Variants in ATP6V1A observed in about 807,000 individuals in gnomAD.
The protein encoded by ATP6V1A is V-type proton ATPase catalytic subunit A.
In ATP6V1A, 18 loss-of-function variants were observed where a neutral mutation model predicts 70.1. That is an observed-to-expected ratio of 0.26 (90% confidence interval 0.18 to 0.38). ATP6V1A has a LOEUF of 0.38. Among genes scored for constraint, ATP6V1A ranks in the 10% least tolerant of loss-of-function variants. The pLI is 1.00. For synonymous variants in ATP6V1A, 232 were observed against 253.8 expected (o/e 0.91, Z 0.82); for missense variants, 424 against 772.4 (o/e 0.55, Z 5.35).
intron 10 of ATP6V1A, among the ~76,000 whole-genome samples, chr3:113,795,672 GT>G (rs1194701258): frequency 6.6e-6 from 1 of 151,594 alleles, no homozygotes; most frequent in Non-Finnish European, 1.5e-5. Context: ...TTCTATTGTT[GT>G]TTACAACTTA....
At chr3:113,795,992 CCCCTG>C in intron 11 of ATP6V1A, 53 bp downstream of exon 11, 1 of 1,434,954 alleles carries the variant, frequency 7.0e-7, no homozygotes. Context: ...CTCTCTGCAG[CCCCTG>C]CTGTTCTAAT....
intron 1 of ATP6V1A, among the ~76,000 whole-genome samples, chr3:113,770,796 G>A (rs1187658428): frequency 1.3e-5 from 2 of 151,604 alleles, no homozygotes; most frequent in African/African-American, 4.8e-5. Context: ...AGAGATTTGG[G>A]ATAAAATTAA....
At chr3:113,788,383 G>A (rs1255742589) in intron 6 of ATP6V1A, among the ~76,000 whole-genome samples, 1 of 151,710 alleles carries the variant, frequency 6.6e-6, no homozygotes, top group Non-Finnish European at 1.5e-5. Context: ...CACCCAGGCT[G>A]TAGTGCAAAG....
chr3:113,803,367 C>T (rs1341336818), intron 12 of ATP6V1A: 3 of 515,246 alleles, frequency 5.8e-6, no homozygotes, highest in Non-Finnish European at 1.0e-5. Flanking sequence ...AACACTGTTA[C>T]ACTGTATAAT....
rs1022114772 is a variant in ATP6V1A, at chr3:113,810,785, T to C, written c.*1358T>C. On this transcript the variant is annotated 3_prime_UTR_variant, in exon 15 of 15. Coordinates refer to ENST00000273398, the MANE Select transcript of ATP6V1A (RefSeq NM_001690.4). Reference sequence around the variant, plus strand: ...AAAATAATGACATATGTCACATGTTTGCATGTTTGTTTGCTTGTTGAATTT... The same window carrying C: ...AAAATAATGACATATGTCACATGTTCGCATGTTTGTTTGCTTGTTGAATTT... The C allele has an allele frequency of 6.6e-6, 1 of 152,274 alleles. No homozygotes were observed. Among genetic ancestry groups the C allele is most frequent in the Admixed American group, 6.5e-5 (1 of 15,288 alleles). 9.4% of individuals were successfully genotyped at this position (152,274 alleles called of 1,614,324 possible).
intron 1 of ATP6V1A, among the ~76,000 whole-genome samples, chr3:113,759,626 A>T (rs557092833): frequency 6.6e-6 from 1 of 152,206 alleles, no homozygotes. Flanking sequence ...AAGAATATTT[A>T]ATCATAATTT....
intron 1 of ATP6V1A, among the ~76,000 whole-genome samples, chr3:113,776,883 C>T (rs1221583697): frequency 1.3e-5 from 2 of 152,214 alleles, no homozygotes; most frequent in African/African-American, 2.4e-5. Context: ...TTGGCACCCC[C>T]GCTACCCTCT....
rs149767974 is a variant in ATP6V1A, at chr3:113,760,240, T to G, written c.-14+13127T>G. Among the ~76,000 whole-genome samples the G allele has an allele frequency of 3.4e-3, 516 of 152,340 alleles. 11 individuals carry two copies. In the South Asian group the frequency reaches 0.063, roughly 19 times the overall value. ...TATTTAAATCCAGATTGTGAGGTGTTTTTTCACCTATCTTAGGCAGCATTC... is the reference window on the plus strand; with the variant it reads ...TATTTAAATCCAGATTGTGAGGTGTGTTTTCACCTATCTTAGGCAGCATTC... On this transcript the variant is annotated intron_variant, in intron 1 of 14. Coordinates refer to ENST00000273398, the MANE Select transcript of ATP6V1A (RefSeq NM_001690.4).
At chr3:113,779,685 C>T (rs1291204653) in intron 2 of ATP6V1A, among the ~76,000 whole-genome samples, 1 of 152,032 alleles carries the variant, frequency 6.6e-6, no homozygotes, top group African/African-American at 2.4e-5. Context: ...TATCTTTTGC[C>T]ATGCAGAGAA....
intron 1 of ATP6V1A, among the ~76,000 whole-genome samples, chr3:113,749,263 T>TCACA (rs58516178): frequency 0.045 from 6,377 of 141,162 alleles, 217 homozygotes; most frequent in African/African-American, 0.099. Context: ...TATACACAGA[T>TCACA]CACACACACA....
At chr3:113,800,600 C>A (rs1709200297) in intron 12 of ATP6V1A, among the ~76,000 whole-genome samples, 1 of 152,110 alleles carries the variant, frequency 6.6e-6, no homozygotes, top group African/African-American at 2.4e-5. Flanking sequence ...ATTCCACATA[C>A]AAAGTTAGAA....
intron 1 of ATP6V1A, among the ~76,000 whole-genome samples, chr3:113,768,878 C>T (rs910739386): frequency 2.0e-5 from 3 of 152,036 alleles, no homozygotes; most frequent in Non-Finnish European, 2.9e-5. Context: ...TTACAGCCAC[C>T]GTGCCCAGCT....
intron 12 of ATP6V1A, among the ~76,000 whole-genome samples, chr3:113,800,952 C>A (rs1709205579): frequency 1.3e-5 from 2 of 151,890 alleles, no homozygotes; most frequent in Non-Finnish European, 2.9e-5. Flanking sequence ...TCCAGGAGTT[C>A]AAGACCAGCC....
chr3:113,761,120 T>G (rs574793893), intron 1 of ATP6V1A, among the ~76,000 whole-genome samples: 20 of 151,906 alleles, frequency 1.3e-4, no homozygotes, highest in Admixed American at 1.3e-3. Context: ...TTTTCTTTTT[T>G]TTTGAGACAG....
chr3:113,751,696 A>G (rs934161653), intron 1 of ATP6V1A, among the ~76,000 whole-genome samples: 5 of 151,066 alleles, frequency 3.3e-5, no homozygotes, highest in African/African-American at 4.8e-5. Flanking sequence ...TGTATATACT[A>G]TATATAGAGT....
chr3:113,766,382 A>G (rs571215314), intron 1 of ATP6V1A, among the ~76,000 whole-genome samples: 1 of 151,986 alleles, frequency 6.6e-6, no homozygotes, highest in South Asian at 2.1e-4. Flanking sequence ...TGCAGCCTCA[A>G]CCTCCCAGGC....
At chr3:113,808,958 G>C (rs151077388) in intron 14 of ATP6V1A, among the ~76,000 whole-genome samples, 1 of 151,934 alleles carries the variant, frequency 6.6e-6, no homozygotes, top group Non-Finnish European at 1.5e-5. Flanking sequence ...TATAAAATAC[G>C]AGTAACCTGG....
At chr3:113,750,920 A>G (rs1193529842) in intron 1 of ATP6V1A, among the ~76,000 whole-genome samples, 1 of 152,220 alleles carries the variant, frequency 6.6e-6, no homozygotes, top group Non-Finnish European at 1.5e-5. Context: ...TACTTGTAGC[A>G]AAGATTCTAA....
intron 11 of ATP6V1A, 143 bp downstream of exon 11, chr3:113,796,082 A>T (rs1366332882): frequency 3.2e-6 from 2 of 626,624 alleles, no homozygotes; most frequent in Non-Finnish European, 5.2e-6. Flanking sequence ...CTGGTTTAGA[A>T]ACACTCTTAA....
Sources: allele counts gnomAD v4.1 joint callset (sites outside exome capture counted in the v4.1 genomes callset), GRCh38; gene constraint gnomAD v4.1.1; transcripts MANE v1.5; gene names NCBI Gene and HGNC (gene_info 2026-07-23, HGNC 2026-07-21).